ASTN2: variants seen among roughly 807,000 people sequenced by gnomAD.
ASTN2 encodes the protein astrotactin 2, also known as astrotactin-2.
ASTN2 carries 54 observed loss-of-function variants against 139.8 expected under a neutral mutation model. That is an observed-to-expected ratio of 0.39 (90% CI 0.31 to 0.48). ASTN2 has a LOEUF of 0.48. ASTN2 is among the 20% of genes least tolerant of loss of function. The pLI is 0.95. For missense variants in ASTN2, 1,565 were observed against 1,725.1 expected (o/e 0.91, Z 1.64); for synonymous variants, 756 against 719.5 (o/e 1.05, Z -0.81).
At chr9:116,813,134 A>T (rs1831212776) in intron 12 of ASTN2, among the ~76,000 whole-genome samples, 1 of 151,214 alleles carries the variant, frequency 6.6e-6, no homozygotes, top group Non-Finnish European at 1.5e-5. Flanking sequence ...ACAGGAAACC[A>T]GCCAAGATCT....
chr9:116,496,689 C>T (rs1003383446), intron 19 of ASTN2, among the ~76,000 whole-genome samples: 3 of 152,128 alleles, frequency 2.0e-5, no homozygotes, highest in Admixed American at 2.0e-4. Context: ...ATATCTGAGA[C>T]TGGGTAATTT....
intron 13 of ASTN2, among the ~76,000 whole-genome samples, chr9:116,789,451 C>T (rs1830473433): frequency 6.6e-6 from 1 of 152,140 alleles, no homozygotes; most frequent in South Asian, 2.1e-4. Context: ...TCATTTTGGA[C>T]TCTTAAAAGC....
intron 10 of ASTN2, among the ~76,000 whole-genome samples, chr9:116,871,395 T>C (rs1481917328): frequency 6.6e-6 from 1 of 152,170 alleles, no homozygotes; most frequent in Admixed American, 6.5e-5. Context: ...CAGGGTACAG[T>C]TTAAGTGATC....
At chr9:117,275,869 G>A (rs1394554227) in intron 2 of ASTN2, among the ~76,000 whole-genome samples, 4 of 151,956 alleles carry the variant, frequency 2.6e-5, no homozygotes, top group Non-Finnish European at 4.4e-5. Context: ...AAGTCCTGTT[G>A]GATTAGGAGC....
intron 3 of ASTN2, among the ~76,000 whole-genome samples, chr9:117,148,088 G>A (rs193147981): frequency 2.0e-5 from 3 of 152,298 alleles, no homozygotes; most frequent in Admixed American, 2.0e-4. Flanking sequence ...CACCATGGAG[G>A]TTCCAGGGTT....
intron 1 of ASTN2, among the ~76,000 whole-genome samples, chr9:117,360,219 A>C (rs1039170036): frequency 6.6e-6 from 1 of 152,188 alleles, no homozygotes; most frequent in Non-Finnish European, 1.5e-5. Context: ...CTTACTGGAA[A>C]AATAAGAGGA....
Position 116,425,507 on chromosome 9 carries a change from G to T in ASTN2, c.*344C>A. 6.6e-7 allele frequency: 1 copy of T among 1,507,162 alleles called. No individual in the cohort carries two copies. The highest frequency in any genetic ancestry group is 9.2e-7 in the Non-Finnish European group (1 of 1,089,416). 93.4% of individuals were successfully genotyped at this position (1,507,162 alleles called of 1,614,324 possible). On this transcript the variant is annotated 3_prime_UTR_variant, in exon 23 of 23. Coordinates refer to ENST00000313400, the MANE Select transcript of ASTN2 (RefSeq NM_001365068.1). ...GCAGGAAGAAAGCAGAGTGTGGCAG[G>T]AAGAAGGAAGAAGAGCAAAGGCCGC...
intron 5 of ASTN2, among the ~76,000 whole-genome samples, chr9:117,063,512 A>G (rs1587921110): frequency 1.3e-5 from 2 of 152,122 alleles, no homozygotes; most frequent in Admixed American, 1.3e-4. Context: ...CGTGCCTTTC[A>G]CCTTCCACCA....
intron 1 of ASTN2, among the ~76,000 whole-genome samples, chr9:117,361,433 C>T (rs1829689904): frequency 6.6e-6 from 1 of 152,258 alleles, no homozygotes; most frequent in African/African-American, 2.4e-5. Context: ...TTCATTGTCT[C>T]ATAGACTCAG....
intron 1 of ASTN2, among the ~76,000 whole-genome samples, chr9:117,360,568 G>A (rs1014248654): frequency 2.0e-5 from 3 of 152,160 alleles, no homozygotes; most frequent in African/African-American, 7.2e-5. Flanking sequence ...AATGGAGAGA[G>A]TATTGAACAA....
chr9:116,504,604 A>T (rs558090927), intron 19 of ASTN2, among the ~76,000 whole-genome samples: 2 of 152,286 alleles, frequency 1.3e-5, no homozygotes, highest in East Asian at 3.9e-4. Context: ...ATTCAGAATA[A>T]CAGTGACAAT....
intron 7 of ASTN2, among the ~76,000 whole-genome samples, chr9:116,986,732 G>A (rs1836694376): frequency 6.6e-6 from 1 of 152,190 alleles, no homozygotes; most frequent in African/African-American, 2.4e-5. Flanking sequence ...CTTGCTGAAG[G>A]TCACAAAGTC....
chr9:116,700,749 C>T (rs1231156650), intron 16 of ASTN2: 3 of 166,922 alleles, frequency 1.8e-5, no homozygotes, highest in African/African-American at 7.2e-5. Context: ...ACTGTTTCTT[C>T]ATCTCTGGTG....
chr9:116,446,285 AGAG>A (rs1847994782), intron 20 of ASTN2, among the ~76,000 whole-genome samples: 2 of 150,028 alleles, frequency 1.3e-5, no homozygotes, highest in African/African-American at 4.9e-5. Flanking sequence ...AGAGAGAGAG[AGAG>A]AGAGAGAGAG....
At chr9:116,944,904 CA>C (rs1237159057) in intron 10 of ASTN2, among the ~76,000 whole-genome samples, 2 of 151,958 alleles carry the variant, frequency 1.3e-5, no homozygotes, top group Non-Finnish European at 2.9e-5. Flanking sequence ...AAAGCATGAC[CA>C]AAACTGGCTT....
intron 16 of ASTN2, among the ~76,000 whole-genome samples, chr9:116,708,965 C>T (rs1828069586): frequency 6.6e-6 from 1 of 152,218 alleles, no homozygotes; most frequent in African/African-American, 2.4e-5. Flanking sequence ...CACTTGATGG[C>T]CCTAAGTTGC....
At chr9:117,262,505 C>A (rs752948348) in intron 2 of ASTN2, among the ~76,000 whole-genome samples, 24 of 151,974 alleles carry the variant, frequency 1.6e-4, no homozygotes, top group Non-Finnish European at 2.9e-4. Flanking sequence ...CCCTTCAACA[C>A]CCTCAATCCA....
chr9:117,092,768 T>C (rs1828737452), intron 5 of ASTN2, among the ~76,000 whole-genome samples: 1 of 152,246 alleles, frequency 6.6e-6, no homozygotes, highest in South Asian at 2.1e-4. Flanking sequence ...CACACACCCC[T>C]GGGCAGACTG....
intron 5 of ASTN2, among the ~76,000 whole-genome samples, chr9:117,075,293 A>G (rs1398911699): frequency 6.6e-6 from 1 of 152,116 alleles, no homozygotes; most frequent in Non-Finnish European, 1.5e-5. Flanking sequence ...CCAGGGAGTG[A>G]TTTATCAGCA....
Sources: allele counts gnomAD v4.1 joint callset (sites outside exome capture counted in the v4.1 genomes callset), GRCh38; gene constraint gnomAD v4.1.1; transcripts MANE v1.5; gene names NCBI Gene and HGNC (gene_info 2026-07-23, HGNC 2026-07-21).